Variants in VPS8 observed in about 807,000 individuals in gnomAD.
VPS8 encodes VPS8 subunit of CORVET complex, also known as vacuolar protein sorting-associated protein 8 homolog.
A neutral mutation model predicts 216.4 loss-of-function variants in VPS8; 129 were observed. The ratio of observed to expected loss-of-function variants is 0.60; its 90% CI spans 0.52 to 0.69. The LOEUF is 0.69. VPS8 is among the 30% of genes least tolerant of loss of function. The pLI is 0.00. For missense variants in VPS8, 1,531 were observed against 1,683.5 expected, an observed-to-expected ratio of 0.91 and a Z score of 1.59; for synonymous variants, 571 against 565.4, an observed-to-expected ratio of 1.01 and a Z score of -0.14.
chr3:185,014,063 T>G (rs1755428350), intron 45 of VPS8, among the ~76,000 whole-genome samples: 1 of 152,206 alleles, frequency 6.6e-6, no homozygotes, highest in Non-Finnish European at 1.5e-5. Flanking sequence ...TGTGTAACTG[T>G]GTCATAGAGT....
intron 42 of VPS8, among the ~76,000 whole-genome samples, chr3:184,985,651 A>G (rs1384521571): frequency 6.6e-6 from 1 of 152,114 alleles, no homozygotes; most frequent in African/African-American, 2.4e-5. Flanking sequence ...CAGCTGATTG[A>G]CTCGGGGTGA....
chr3:185,031,214 G>T (rs1845669), intron 46 of VPS8, among the ~76,000 whole-genome samples: 1 of 151,998 alleles, frequency 6.6e-6, no homozygotes, highest in South Asian at 2.1e-4. Flanking sequence ...GGGAAATGAA[G>T]AAAGCACTGA....
chr3:184,966,060 T>G (rs1747358215), intron 38 of VPS8, among the ~76,000 whole-genome samples: 1 of 152,184 alleles, frequency 6.6e-6, no homozygotes, highest in Admixed American at 6.5e-5. Context: ...AGAAGTTTAT[T>G]TGGCTCACAG....
chr3:185,049,538 T>C (rs950103242), intron 47 of VPS8, among the ~76,000 whole-genome samples: 27 of 152,156 alleles, frequency 1.8e-4, no homozygotes, highest in Admixed American at 5.2e-4. Flanking sequence ...GGTCTTCTGA[T>C]TGGCTAGAAA....
chr3:184,944,959 T>G (rs543572145), intron 36 of VPS8, among the ~76,000 whole-genome samples: 2 of 152,136 alleles, frequency 1.3e-5, no homozygotes, highest in Non-Finnish European at 2.9e-5. Context: ...AGATTATATA[T>G]GTTCATGAAC....
chr3:184,817,439 A>G (rs1716574289), intron 1 of VPS8: 2 of 152,192 alleles, frequency 1.3e-5, no homozygotes, highest in Non-Finnish European at 2.9e-5. Context: ...AAATCATTAC[A>G]ATGTGGTAAG....
chr3:185,003,460 A>C, intron 45 of VPS8, among the ~76,000 whole-genome samples: 2 of 142,284 alleles, frequency 1.4e-5, no homozygotes, highest in African/African-American at 2.7e-5. Context: ...CAGAGAGCAC[A>C]GGGTTGGGGG....
At chr3:184,829,285 C>T (rs1239757897) in intron 3 of VPS8, among the ~76,000 whole-genome samples, 1 of 152,184 alleles carries the variant, frequency 6.6e-6, no homozygotes, top group African/African-American at 2.4e-5. Context: ...GCGATCAGGG[C>T]TCACTGCAAC....
At chr3:184,975,981 G>A (rs9833088) in intron 40 of VPS8, among the ~76,000 whole-genome samples, 139,039 of 152,256 alleles carry the variant, frequency 0.91, 64,235 homozygotes, top group Non-Finnish European at 0.98. Context: ...ATTTGCATAT[G>A]CCTTTGTCCT....
chr3:184,947,782 G>A (rs569043756), intron 36 of VPS8, among the ~76,000 whole-genome samples: 12 of 152,200 alleles, frequency 7.9e-5, no homozygotes, highest in African/African-American at 1.9e-4. Flanking sequence ...TGCTGTTTGC[G>A]TCAAAATTTC....
At chr3:184,820,094 T>C (rs1024849651) in intron 1 of VPS8, among the ~76,000 whole-genome samples, 1 of 152,196 alleles carries the variant, frequency 6.6e-6, no homozygotes, top group South Asian at 2.1e-4. Context: ...ACCTGTGTTG[T>C]TCAAGGATCC....
intron 45 of VPS8, among the ~76,000 whole-genome samples, chr3:185,007,889 T>G (rs1754479217): frequency 6.6e-6 from 1 of 152,202 alleles, no homozygotes; most frequent in South Asian, 2.1e-4. Flanking sequence ...GCACATTGCT[T>G]ATTTATTTTG....
rs1720271185 is a variant in VPS8 at position 184,832,760 on chromosome 3, C to G, written c.294C>G (p.His98Gln). The stretch of plus-strand genomic sequence containing the variant: ...TAAACATTGATACTATTGATTCTCA[C>G]TCCTATGATACTTCATCTGTGGCAA... ...TLLNIDTIDSHSYDTSSVASS... is the reference protein window; with the variant it reads ...TLLNIDTIDSQSYDTSSVASS... The change falls in exon 4 of 48, where the codon CAC (histidine) becomes CAG (glutamine). Residue 98 changes from histidine to glutamine, a missense_variant. His to Gln is a conservative substitution (Grantham distance 24). Transcript: ENST00000625842. The G allele has an allele frequency of 6.2e-7, 1 of 1,609,472 alleles. No homozygotes were observed. The highest frequency in any genetic ancestry group is 8.5e-7 in the Non-Finnish European group (1 of 1,177,508).
chr3:184,911,734 C>G (rs1560638017), intron 25 of VPS8, among the ~76,000 whole-genome samples: 2 of 152,190 alleles, frequency 1.3e-5, no homozygotes, highest in Non-Finnish European at 2.9e-5. Flanking sequence ...GCTGAGAAAG[C>G]TGGACGAGCT....
chr3:184,922,759 G>A (rs1738861030), intron 29 of VPS8, among the ~76,000 whole-genome samples: 1 of 150,978 alleles, frequency 6.6e-6, no homozygotes, highest in African/African-American at 2.4e-5. Flanking sequence ...GAACAGGCCA[G>A]TGGATGTTAT....
At position 184,832,850 on chromosome 3, in the gene VPS8, C is replaced by T. The variant is rs1038304441; in HGVS notation, c.353+31C>T. The T allele has an allele frequency of 3.8e-6, 6 of 1,590,980 alleles. No individual in the cohort carries two copies. In the African/African-American group the frequency reaches 6.7e-5, roughly 18 times the overall value. ...TATTCATGTCAATCATACTTGCTTACAGTTGAAGTATTCAATTGTTTCAAA... is the reference window on the plus strand; with the variant it reads ...TATTCATGTCAATCATACTTGCTTATAGTTGAAGTATTCAATTGTTTCAAA... On this transcript the variant is annotated intron_variant, in intron 4 of 47. Transcript: ENST00000625842.
intron 26 of VPS8, 85 bp downstream of exon 26, chr3:184,913,646 A>G: frequency 2.7e-6 from 3 of 1,104,916 alleles, no homozygotes; most frequent in Admixed American, 2.7e-5. Context: ...TCTCTTATCT[A>G]TATAGTACTT....
intron 36 of VPS8, among the ~76,000 whole-genome samples, chr3:184,943,717 C>T (rs1743143434): frequency 6.6e-6 from 1 of 152,194 alleles, no homozygotes; most frequent in Non-Finnish European, 1.5e-5. Flanking sequence ...TATGTATCAT[C>T]TCAGTGTTGC....
In VPS8 at chr3:184,940,214, C is replaced by A; in HGVS notation, c.3006C>A (p.Phe1002Leu). The change falls in exon 36 of 48, where the codon TTC becomes TTA. Residue 1002 changes from phenylalanine to leucine, a missense_variant. This residue lies in a region of VPS8 where 1,318 missense variants were observed against 1,468.4 expected (regional missense o/e 0.90). Transcript: ENST00000625842. ...IKKLQNQVLL[F>L]KFLRSLLDPR... ...CTGTTCAGAACCAGGTTTTGCTTTT[C>A]AAATTTTTGAGGAGTCTTCTTGACC... 6.7e-7 allele frequency: 1 copy of A among 1,489,350 alleles called. No individual in the cohort carries two copies. The highest frequency in any genetic ancestry group is 9.0e-7 in the Non-Finnish European group (1 of 1,111,832). The allele number at this position is 1,489,350 out of a possible 1,614,324, so 92.3% of individuals were successfully genotyped here. A position where few individuals can be genotyped will look rare whatever the true frequency, so the allele number is the denominator to read the frequency against.
Sources: gnomAD v4.1 joint callset for allele counts (sites outside exome capture counted in the v4.1 genomes callset) on GRCh38, gnomAD v4.1.1 for gene constraint, gnomAD v4.1.1 regional missense constraint, MANE v1.5 for transcripts, NCBI Gene and HGNC (gene_info 2026-07-23, HGNC 2026-07-21) for gene names.